Variants in MCU observed in about 807,000 individuals in gnomAD.
MCU encodes calcium uniporter protein, mitochondrial.
A neutral mutation model predicts 45.2 loss-of-function variants in MCU; 12 were observed. The observed-to-expected ratio is 0.27, with a 90% confidence interval of 0.17 to 0.43. The LOEUF (loss-of-function observed/expected upper bound fraction) is 0.43, where lower values mean the gene tolerates loss of function less well. MCU is among the 20% of genes least tolerant of loss of function. MCU has a pLI of 1.00. For synonymous variants in MCU, 160 were observed against 165.1 expected, an observed-to-expected ratio of 0.97 and a Z score of 0.24; for missense variants, 324 against 436.7, an observed-to-expected ratio of 0.74 and a Z score of 2.30.
At chr10:72,870,050 G>A (rs371895630) in intron 5 of MCU, among the ~76,000 whole-genome samples, 6 of 151,946 alleles carry the variant, frequency 3.9e-5, no homozygotes, top group Non-Finnish European at 7.4e-5. Flanking sequence ...TACAGTAGTC[G>A]GGTTATGACT....
rs573535953 is a variant in MCU at position 72,720,575 on chromosome 10, T to C, written c.150+28274T>C. 2.6e-5 allele frequency among the ~76,000 whole-genome samples: 4 copies of C among 152,340 alleles called. No homozygotes were observed. In the East Asian group the frequency reaches 7.7e-4, roughly 29 times the overall value. ...ATCCTTCAAGGCACAGCTCAAGTCCTATCTGTTCAGTGACTTCTTCCTTCT... is the reference window on the plus strand; with the variant it reads ...ATCCTTCAAGGCACAGCTCAAGTCCCATCTGTTCAGTGACTTCTTCCTTCT... On this transcript the variant is annotated intron_variant, in intron 1 of 7. Coordinates refer to ENST00000373053, the MANE Select transcript of MCU (RefSeq NM_138357.3).
At chr10:72,821,370 A>G (rs763009541) in intron 1 of MCU, among the ~76,000 whole-genome samples, 6 of 152,184 alleles carry the variant, frequency 3.9e-5, no homozygotes, top group Admixed American at 3.9e-4. Flanking sequence ...TTTAAATAGT[A>G]TGATTTATTT....
At chr10:72,854,210 G>A (rs1472962527) in intron 2 of MCU, among the ~76,000 whole-genome samples, 1 of 152,042 alleles carries the variant, frequency 6.6e-6, no homozygotes, top group African/African-American at 2.4e-5. Context: ...GGAGTATCCA[G>A]TGAGCCCAGT....
chr10:72,846,107 A>G (rs1845118237), intron 2 of MCU, among the ~76,000 whole-genome samples: 1 of 152,058 alleles, frequency 6.6e-6, no homozygotes, highest in Non-Finnish European at 1.5e-5. Context: ...CAGTGGTGCA[A>G]TATCAGCTCA....
intron 4 of MCU, among the ~76,000 whole-genome samples, chr10:72,865,257 A>G (rs1022999972): frequency 3.3e-5 from 5 of 152,164 alleles, no homozygotes; most frequent in African/African-American, 1.2e-4. Context: ...GTATCCAGGA[A>G]CTCTGGAATA....
intron 2 of MCU, among the ~76,000 whole-genome samples, chr10:72,847,493 A>G (rs1225271123): frequency 6.6e-6 from 1 of 152,214 alleles, no homozygotes; most frequent in Non-Finnish European, 1.5e-5. Context: ...CCTCAACTTT[A>G]TCATAGGTAT....
intron 1 of MCU, among the ~76,000 whole-genome samples, chr10:72,780,511 A>AGTGTGTGTGT (rs60306247): frequency 0.29 from 32,534 of 110,374 alleles, 5,340 homozygotes; most frequent in Middle Eastern, 0.36. Flanking sequence ...TCTTTGGCTA[A>AGTGTGTGTGT]GTGTGTGTGT....
intron 1 of MCU, among the ~76,000 whole-genome samples, chr10:72,739,982 T>G (rs1024572539): frequency 2.0e-5 from 3 of 151,616 alleles, no homozygotes; most frequent in Non-Finnish European, 4.4e-5. Flanking sequence ...AGCTGAAAAT[T>G]AAGATTTTTA....
intron 4 of MCU, among the ~76,000 whole-genome samples, chr10:72,866,638 G>A (rs900561936): frequency 1.3e-5 from 2 of 152,058 alleles, no homozygotes; most frequent in Admixed American, 6.6e-5. Flanking sequence ...CTCGTGATTC[G>A]TCCACCTTTG....
At chr10:72,789,942 A>G (rs1043837178) in intron 1 of MCU, among the ~76,000 whole-genome samples, 1 of 152,206 alleles carries the variant, frequency 6.6e-6, no homozygotes, top group Non-Finnish European at 1.5e-5. Context: ...GCTACCTGGC[A>G]TAATCAAAGA....
At chr10:72,747,069 A>G (rs1195082164) in intron 1 of MCU, among the ~76,000 whole-genome samples, 1 of 152,258 alleles carries the variant, frequency 6.6e-6, no homozygotes, top group African/African-American at 2.4e-5. Context: ...TGTGCAGGGC[A>G]GAGGTGCTGA....
intron 1 of MCU, among the ~76,000 whole-genome samples, chr10:72,778,570 AG>A (rs111378928): frequency 2.0e-5 from 3 of 152,290 alleles, no homozygotes; most frequent in African/African-American, 7.2e-5. Context: ...AGAGGACAAA[AG>A]AATATAAAGT....
intron 1 of MCU, among the ~76,000 whole-genome samples, chr10:72,723,078 C>A (rs1220909831): frequency 1.3e-5 from 2 of 152,116 alleles, no homozygotes; most frequent in African/African-American, 2.4e-5. Flanking sequence ...TGCCTGTAGT[C>A]CCAGCAACTT....
intron 6 of MCU, among the ~76,000 whole-genome samples, chr10:72,871,888 C>T (rs984895678): frequency 1.4e-4 from 21 of 152,198 alleles, no homozygotes; most frequent in Middle Eastern, 3.2e-3. Context: ...GCAGAATGAT[C>T]AGCTGTAGGA....
rs183147795 is a variant in MCU at position 72,778,287 on chromosome 10, A to G, written c.151-56072A>G. Among the ~76,000 whole-genome samples, 28 of 152,354 alleles carry G rather than the reference A, an allele frequency of 1.8e-4. No homozygotes were observed. In the East Asian group the frequency reaches 3.1e-3, roughly 17 times the overall value. On this transcript the variant is annotated intron_variant, in intron 1 of 7. Transcript: ENST00000373053. ...ATGGAATCAACCTAAGTGCCCATCA[A>G]TGGATGAAAGGATAAAGAAAATGTG...
intron 5 of MCU, among the ~76,000 whole-genome samples, chr10:72,870,266 T>C (rs902492319): frequency 6.6e-6 from 1 of 152,122 alleles, no homozygotes; most frequent in Non-Finnish European, 1.5e-5. Context: ...ATTGTGCTAG[T>C]ATTTTACCTA....
chr10:72,694,484 A>G (rs1299890981), intron 1 of MCU, among the ~76,000 whole-genome samples: 4 of 152,244 alleles, frequency 2.6e-5, no homozygotes, highest in African/African-American at 7.2e-5. Context: ...ACTATTGTCC[A>G]TTATGAAAGT....
At chr10:72,798,008 G>C (rs193032369) in intron 1 of MCU, among the ~76,000 whole-genome samples, 18 of 152,014 alleles carry the variant, frequency 1.2e-4, no homozygotes, top group African/African-American at 7.2e-5. Context: ...ATGAGCTTCA[G>C]ATTGACCAAA....
chr10:72,852,075 T>A (rs1289381741), intron 2 of MCU, among the ~76,000 whole-genome samples: 5 of 152,210 alleles, frequency 3.3e-5, no homozygotes, highest in African/African-American at 4.8e-5. Context: ...TACTTCTTGA[T>A]CTGTGGTTAC....
Sources: allele counts gnomAD v4.1 joint callset (sites outside exome capture counted in the v4.1 genomes callset), GRCh38; gene constraint gnomAD v4.1.1; transcripts MANE v1.5; gene names NCBI Gene and HGNC (gene_info 2026-07-23, HGNC 2026-07-21).